The following PARVA variants were observed in gnomAD, a reference collection of about 807,000 sequenced individuals.
PARVA encodes alpha-parvin.
A neutral mutation model predicts 52.6 loss-of-function variants in PARVA; 25 were observed. The ratio of observed to expected loss-of-function variants is 0.48; its 90% CI spans 0.35 to 0.66. The LOEUF is 0.66. Ranked by LOEUF, PARVA falls within the 30% of genes least tolerant of loss-of-function variation. The probability of loss-of-function intolerance (pLI) is 0.01; values close to 1 mark genes in which losing one functional copy is unlikely to be tolerated. For missense variants in PARVA, 373 were observed against 450.9 expected (o/e 0.83, Z 1.56); for synonymous variants, 185 against 179.1 (o/e 1.03, Z -0.26).
At chr11:12,495,575 T>C (rs758196440) in intron 4 of PARVA, among the ~76,000 whole-genome samples, 79 of 152,160 alleles carry the variant, frequency 5.2e-4, no homozygotes, top group Non-Finnish European at 5.4e-4. Flanking sequence ...TTGTAATAGA[T>C]TAAAATATGA....
At chr11:12,515,749 G>A (rs535702462) in intron 10 of PARVA, among the ~76,000 whole-genome samples, 1 of 152,194 alleles carries the variant, frequency 6.6e-6, no homozygotes, top group Admixed American at 6.5e-5. Context: ...CAGACTCTGG[G>A]GTCTGCTCTC....
intron 10 of PARVA, among the ~76,000 whole-genome samples, chr11:12,517,082 C>T (rs1348981251): frequency 6.6e-6 from 1 of 152,138 alleles, no homozygotes; most frequent in Non-Finnish European, 1.5e-5. Flanking sequence ...TCACCTCCCC[C>T]TCCTCCCTCT....
At chr11:12,425,187 C>T (rs115728773) in intron 1 of PARVA, among the ~76,000 whole-genome samples, 86 of 152,310 alleles carry the variant, frequency 5.6e-4, no homozygotes, top group African/African-American at 1.9e-3. Flanking sequence ...GAGGACAGAA[C>T]TTTCCCTAAC....
At chr11:12,470,100 G>T (rs79377693) in intron 1 of PARVA, among the ~76,000 whole-genome samples, 3 of 152,168 alleles carry the variant, frequency 2.0e-5, no homozygotes, top group African/African-American at 7.2e-5. Flanking sequence ...GCACATGTGC[G>T]CACACACAGT....
intron 1 of PARVA, among the ~76,000 whole-genome samples, chr11:12,392,125 A>G (rs1052308676): frequency 2.0e-5 from 3 of 151,974 alleles, no homozygotes; most frequent in African/African-American, 7.2e-5. Context: ...TATTATAATA[A>G]TGGAATAATA....
At chr11:12,450,973 A>G (rs932954570) in intron 1 of PARVA, among the ~76,000 whole-genome samples, 20 of 152,176 alleles carry the variant, frequency 1.3e-4, no homozygotes, top group African/African-American at 4.8e-4. Flanking sequence ...TCCTCTGGCA[A>G]CACCCTCACA....
chr11:12,513,811 G>A (rs550683601), intron 9 of PARVA, 186 bp from the exon 10 acceptor site: 13 of 611,638 alleles, frequency 2.1e-5, no homozygotes, highest in South Asian at 7.8e-5. Flanking sequence ...CTGCAAAGTC[G>A]AGCCTGTGGC....
At chr11:12,474,858 C>T (rs929362851) in intron 3 of PARVA, among the ~76,000 whole-genome samples, 5 of 151,290 alleles carry the variant, frequency 3.3e-5, no homozygotes, top group South Asian at 4.2e-4. Context: ...CCCAGCTACT[C>T]GGGAGGCTGA....
At chr11:12,407,396 A>T (rs1939928028) in intron 1 of PARVA, among the ~76,000 whole-genome samples, 1 of 152,188 alleles carries the variant, frequency 6.6e-6, no homozygotes. Flanking sequence ...AAGCCCATAG[A>T]CATGTACACT....
At chr11:12,376,888 G>C (rs912709061), upstream of PARVA, among the ~76,000 whole-genome samples, 4 of 152,188 alleles carry the variant, frequency 2.6e-5, no homozygotes, top group Non-Finnish European at 5.9e-5. Context: ...TCCTGTAGGA[G>C]CTCATGGTTG....
intron 4 of PARVA, among the ~76,000 whole-genome samples, chr11:12,491,845 A>G (rs1243488072): frequency 1.3e-5 from 2 of 152,182 alleles, no homozygotes; most frequent in Non-Finnish European, 2.9e-5. Flanking sequence ...GCTCTAACTA[A>G]TCTGTATATA....
chr11:12,469,510 C>A (rs77169412), intron 1 of PARVA, among the ~76,000 whole-genome samples: 1 of 152,044 alleles, frequency 6.6e-6, no homozygotes, highest in Admixed American at 6.5e-5. Flanking sequence ...TCTTTCAGTG[C>A]GTGAGGATTG....
chr11:12,398,493 A>T (rs945088486), intron 1 of PARVA: 2 of 148,688 alleles, frequency 1.3e-5, no homozygotes, highest in African/African-American at 4.9e-5. Context: ...TAGACCGTGA[A>T]CCCCTTATAA....
rs7116134 is a variant in PARVA, at chr11:12,432,696, C to T, written c.137-41049C>T. ...AAAGAACCACGTTCTGTCATGTGTA[C>T]GTTATTTAGGCTCTTGCGTCATTTT... On this transcript the variant is annotated intron_variant, in intron 1 of 12. Coordinates refer to ENST00000334956, the MANE Select transcript of PARVA (RefSeq NM_018222.5). 9.2e-3 allele frequency among the ~76,000 whole-genome samples: 1,394 copies of T among 152,294 alleles called. 22 individuals are homozygous for T. The highest frequency in any genetic ancestry group is 0.031 in the African/African-American group (1,307 of 41,552).
chr11:12,440,591 C>T (rs528882548), intron 1 of PARVA, among the ~76,000 whole-genome samples: 3 of 152,350 alleles, frequency 2.0e-5, no homozygotes, highest in East Asian at 3.9e-4. Flanking sequence ...ACAAAGCTGA[C>T]GTCAAGTTGT....
In PARVA at chr11:12,400,538, G is replaced by T. The variant is rs1939811730; in HGVS notation, c.136+22755G>T. The stretch of plus-strand genomic sequence containing the variant: ...GGGAGTACTTTTATATGACCTTGAT[G>T]GTCCTTGTCTTTAGAAAAATGCACT... On this transcript the variant is annotated intron_variant, in intron 1 of 12. Coordinates refer to ENST00000334956, the MANE Select transcript of PARVA (RefSeq NM_018222.5). Among the ~76,000 whole-genome samples, 9 of 152,198 alleles carry T rather than the reference G, an allele frequency of 5.9e-5. No individual in the cohort carries two copies. In the South Asian group the frequency reaches 1.9e-3, roughly 32 times the overall value.
chr11:12,377,993 AC>A (rs1272470725), intron 1 of PARVA, among the ~76,000 whole-genome samples: 2 of 147,750 alleles, frequency 1.4e-5, no homozygotes, highest in Non-Finnish European at 3.0e-5. Flanking sequence ...CATCGAGGCC[AC>A]CCCGCCCGCT....
At position 12,496,451 on chromosome 11, in the gene PARVA, C is replaced by A; in HGVS notation, c.401-7C>A. On this transcript the variant is annotated splice_polypyrimidine_tract_variant and splice_region_variant and intron_variant, in intron 4 of 12. Transcript: ENST00000334956. Reference sequence around the variant, plus strand: ...ACAGCTGTTCTCTTTTCCCTTGTCACCCTCAGAGAAACTGGAGAGTGAGAA... The same window carrying A: ...ACAGCTGTTCTCTTTTCCCTTGTCAACCTCAGAGAAACTGGAGAGTGAGAA... 6.2e-7 allele frequency: 1 copy of A among 1,605,370 alleles called. No homozygotes were observed. Among genetic ancestry groups the A allele is most frequent in the Non-Finnish European group, 8.5e-7 (1 of 1,175,904 alleles).
chr11:12,384,033 A>G (rs953843784), intron 1 of PARVA, among the ~76,000 whole-genome samples: 1 of 152,102 alleles, frequency 6.6e-6, no homozygotes, highest in African/African-American at 2.4e-5. Flanking sequence ...CATATGTGCA[A>G]CTGTCTTTGT....
Sources: gnomAD v4.1 joint callset for allele counts (sites outside exome capture counted in the v4.1 genomes callset) on GRCh38, gnomAD v4.1.1 for gene constraint, MANE v1.5 for transcripts, NCBI Gene and HGNC (gene_info 2026-07-23, HGNC 2026-07-21) for gene names.